Variants in SLC1A2 observed in about 807,000 individuals in gnomAD.
SLC1A2 encodes the protein excitatory amino acid transporter 2.
Under a neutral mutation model 48.8 loss-of-function variants are expected in SLC1A2, and 15 were observed. The observed-to-expected ratio is 0.31, with a 90% CI of 0.21 to 0.47. The LOEUF (loss-of-function observed/expected upper bound fraction) is 0.47, where lower values mean the gene tolerates loss of function less well. Among genes scored for constraint, SLC1A2 ranks in the 20% least tolerant of loss-of-function variants. The probability of loss-of-function intolerance (pLI) is 0.99; values close to 1 mark genes in which losing one functional copy is unlikely to be tolerated. For missense variants in SLC1A2, 502 were observed against 730.5 expected (o/e 0.69, Z 3.61); for synonymous variants, 279 against 272.6 (o/e 1.02, Z -0.23).
chr11:35,336,964 C>G (rs988119196), intron 1 of SLC1A2, among the ~76,000 whole-genome samples: 1 of 152,104 alleles, frequency 6.6e-6, no homozygotes, highest in Admixed American at 6.6e-5. Context: ...CAGCAGATTC[C>G]ACAACATTTT....
chr11:35,279,358 G>A (rs3794097), intron 9 of SLC1A2, among the ~76,000 whole-genome samples: 1 of 152,150 alleles, frequency 6.6e-6, no homozygotes, highest in Non-Finnish European at 1.5e-5. Context: ...TATTCTACAT[G>A]AGGAAAATGT....
At chr11:35,395,960 AATG>A (rs1854945405) in intron 1 of SLC1A2, among the ~76,000 whole-genome samples, 1 of 149,080 alleles carries the variant, frequency 6.7e-6, no homozygotes, top group Non-Finnish European at 1.5e-5. Flanking sequence ...GATTACTGAG[AATG>A]ATGATTTCCA....
chr11:35,417,349 C>G (rs1418173715), intron 1 of SLC1A2, among the ~76,000 whole-genome samples: 1 of 152,192 alleles, frequency 6.6e-6, no homozygotes, highest in African/African-American at 2.4e-5. Context: ...ATCTGGCCAT[C>G]AAAATAGGGA....
chr11:35,306,309 T>G, intron 4 of SLC1A2, 67 bp from the exon 5 acceptor site: 1 of 1,245,202 alleles, frequency 8.0e-7, no homozygotes, highest in Non-Finnish European at 1.1e-6. Context: ...AAAAAAAGAT[T>G]GGCTACTCAT....
chr11:35,392,277 A>G (rs1263250016), intron 1 of SLC1A2: 4 of 152,208 alleles, frequency 2.6e-5, no homozygotes, highest in Non-Finnish European at 5.9e-5. Context: ...TTCTAAGTAC[A>G]TTGCTGAGCT....
chr11:35,322,657 C>T (rs1159891218), intron 1 of SLC1A2: 2 of 1,533,772 alleles, frequency 1.3e-6, no homozygotes, highest in East Asian at 2.4e-5. Context: ...AGAGATTGCC[C>T]TACTGGAAGA....
chr11:35,282,824 G>C (rs1013977330), intron 8 of SLC1A2, among the ~76,000 whole-genome samples: 2 of 152,118 alleles, frequency 1.3e-5, no homozygotes, highest in Admixed American at 1.3e-4. Flanking sequence ...ATTCTTCCTG[G>C]AAGTTGCTTT....
intron 1 of SLC1A2, among the ~76,000 whole-genome samples, chr11:35,363,357 G>A (rs1293220332): frequency 6.6e-6 from 1 of 152,192 alleles, no homozygotes; most frequent in Admixed American, 6.5e-5. Flanking sequence ...GGGGAAGGAA[G>A]GGCGGATGGC....
intron 1 of SLC1A2, among the ~76,000 whole-genome samples, chr11:35,372,515 T>C (rs1028125682): frequency 4.6e-5 from 7 of 152,252 alleles, no homozygotes; most frequent in Non-Finnish European, 1.0e-4. Flanking sequence ...AGGTGATTAT[T>C]GCAAACTTAT....
intron 1 of SLC1A2, among the ~76,000 whole-genome samples, chr11:35,384,067 C>G (rs1854514060): frequency 6.6e-6 from 1 of 152,178 alleles, no homozygotes; most frequent in Non-Finnish European, 1.5e-5. Context: ...TCTGTTCCAG[C>G]CAGGACTTTT....
chr11:35,294,444 G>A (rs1851108891), intron 6 of SLC1A2, among the ~76,000 whole-genome samples: 1 of 152,116 alleles, frequency 6.6e-6, no homozygotes, highest in African/African-American at 2.4e-5. Context: ...TATTCTGCTG[G>A]TGTGTCCATA....
At position 35,254,945 on chromosome 11, in the gene SLC1A2, G is replaced by A. The variant is rs949176753; in HGVS notation, c.*5949C>T. On this transcript the variant is annotated 3_prime_UTR_variant, in exon 11 of 11. Transcript: ENST00000278379. ...GATATTATTTAGGATAAATGAAATAGGAACTTAGGGGCATCTCTCACTTTT... is the reference window on the plus strand; with the variant it reads ...GATATTATTTAGGATAAATGAAATAAGAACTTAGGGGCATCTCTCACTTTT... The A allele has an allele frequency of 1.8e-5, 6 of 328,696 alleles. No individual in the cohort carries two copies. The highest frequency in any genetic ancestry group is 3.0e-5 in the Non-Finnish European group (5 of 167,926). 20.4% of individuals were successfully genotyped at this position (328,696 alleles called of 1,614,324 possible). A position where few individuals can be genotyped will look rare whatever the true frequency, so the allele number is the denominator to read the frequency against.
At chr11:35,278,282 T>G (rs1010451720) in intron 9 of SLC1A2, among the ~76,000 whole-genome samples, 11 of 148,796 alleles carry the variant, frequency 7.4e-5, no homozygotes, top group Non-Finnish European at 7.5e-5. Context: ...TGTTTTTTTT[T>G]TTTTTTTTTT....
At chr11:35,300,854 A>C (rs576599748) in intron 6 of SLC1A2, among the ~76,000 whole-genome samples, 2 of 152,164 alleles carry the variant, frequency 1.3e-5, no homozygotes, top group Non-Finnish European at 2.9e-5. Context: ...TCGTCTCTAT[A>C]AAAAATTTTC....
At chr11:35,265,784 C>A in intron 9 of SLC1A2, 26 bp from the exon 10 acceptor site, 1 of 1,462,840 alleles carries the variant, frequency 6.8e-7, no homozygotes. Flanking sequence ...AGAAAAGGTT[C>A]AGTGAGGAAG....
intron 1 of SLC1A2, among the ~76,000 whole-genome samples, chr11:35,320,302 A>C (rs958466833): frequency 2.0e-5 from 3 of 152,242 alleles, no homozygotes; most frequent in Non-Finnish European, 4.4e-5. Flanking sequence ...TATACTCAGT[A>C]ATGGGTATGG....
chr11:35,358,858 G>A (rs936106851), intron 1 of SLC1A2, among the ~76,000 whole-genome samples: 4 of 152,160 alleles, frequency 2.6e-5, no homozygotes, highest in Admixed American at 6.6e-5. Flanking sequence ...AATAGCAAGC[G>A]GGAGGCGGTG....
intron 1 of SLC1A2, among the ~76,000 whole-genome samples, chr11:35,414,531 A>C (rs945035724): frequency 1.1e-4 from 17 of 152,076 alleles, no homozygotes; most frequent in Non-Finnish European, 2.1e-4. Flanking sequence ...TTGCGGGGTG[A>C]GGGGCGGGCA....
intron 1 of SLC1A2, among the ~76,000 whole-genome samples, chr11:35,334,809 G>A (rs1852562975): frequency 6.7e-6 from 1 of 149,342 alleles, no homozygotes; most frequent in African/African-American, 2.5e-5. Context: ...TCTGGCTGGA[G>A]AGCAATTTTG....
Sources: allele counts gnomAD v4.1 joint callset (sites outside exome capture counted in the v4.1 genomes callset), GRCh38; gene constraint gnomAD v4.1.1; transcripts MANE v1.5; gene names NCBI Gene and HGNC (gene_info 2026-07-23, HGNC 2026-07-21).